Variants in LMNTD1 observed in about 807,000 individuals in gnomAD.
LMNTD1 encodes lamin tail domain containing 1, also known as lamin tail domain-containing protein 1.
In LMNTD1, 35 loss-of-function variants were observed where a neutral mutation model predicts 50.9. The ratio of observed to expected loss-of-function variants is 0.69; its 90% CI spans 0.53 to 0.91. The LOEUF is 0.91. LMNTD1 is among the 40% of genes least tolerant of loss of function. The pLI, the probability that LMNTD1 is intolerant of heterozygous loss-of-function variation, is 0.00. For synonymous variants in LMNTD1, 153 were observed against 161.9 expected (o/e 0.94, Z 0.42); for missense variants, 470 against 475.5 (o/e 0.99, Z 0.11).
At position 25,646,055 on chromosome 12, in the gene LMNTD1, T is replaced by C. The variant is rs551344485; in HGVS notation, c.58+2439A>G. On this transcript the variant is annotated intron_variant, in intron 1 of 7. Coordinates refer to the LMNTD1 transcript ENST00000445693. The stretch of plus-strand genomic sequence containing the variant: ...GCATTGTATCTAATAATTCTGATGA[T>C]AGGATTGAAGTCCTGTTTGTTGGCT... Among the ~76,000 whole-genome samples, 3 of 152,272 alleles carry C rather than the reference T, an allele frequency of 2.0e-5. No individual in the cohort carries two copies. The East Asian group carries it at 5.8e-4, about 29-fold the overall frequency.
intron 1 of LMNTD1, among the ~76,000 whole-genome samples, chr12:25,628,591 G>A (rs981588986): frequency 1.3e-5 from 2 of 152,134 alleles, no homozygotes; most frequent in African/African-American, 4.8e-5. Flanking sequence ...TCTTAAAATT[G>A]GTGACTCTCC....
Position 25,643,769 on chromosome 12 carries a change from TG to T in LMNTD1, c.58+4724del, listed in dbSNP as rs771766666. 9.9e-5 allele frequency among the ~76,000 whole-genome samples: 15 copies of T among 152,224 alleles called. No individual in the cohort carries two copies. In the East Asian group the frequency reaches 1.4e-3, roughly 14 times the overall value. On this transcript the variant is annotated intron_variant, in intron 1 of 7. Transcript: ENST00000445693. ...GAGTGGCTGTTGGACAGGATCCTGA[TG>T]GAAAGTGCCAGAGAAGTCAATGTTT... is the stretch of plus-strand genomic sequence containing the variant.
intron 9 of LMNTD1, among the ~76,000 whole-genome samples, chr12:25,489,610 T>C (rs1437761539): frequency 1.3e-5 from 2 of 151,626 alleles, no homozygotes; most frequent in Non-Finnish European, 2.9e-5. Flanking sequence ...CGCTGGGAGC[T>C]GTAGACCGGA....
intron 2 of LMNTD1, 126 bp downstream of exon 2, chr12:25,552,745 T>G: frequency 3.2e-6 from 2 of 634,278 alleles, no homozygotes; most frequent in East Asian, 2.7e-5. Flanking sequence ...TCTAGAAAAT[T>G]TGTGAGATAT....
At chr12:25,500,932 G>T (rs1299719195) in intron 9 of LMNTD1, among the ~76,000 whole-genome samples, 1 of 152,088 alleles carries the variant, frequency 6.6e-6, no homozygotes, top group Non-Finnish European at 1.5e-5. Flanking sequence ...TTGTTGCACA[G>T]AAATGTAATT....
intron 9 of LMNTD1, among the ~76,000 whole-genome samples, chr12:25,487,023 T>C: frequency 6.6e-6 from 1 of 151,298 alleles, no homozygotes; most frequent in Admixed American, 6.6e-5. Flanking sequence ...TTCTGTTCTT[T>C]TACATTTGCT....
chr12:25,577,489 TTGTC>T (rs150619202), intron 1 of LMNTD1, among the ~76,000 whole-genome samples: 2,913 of 147,614 alleles, frequency 0.02, 68 homozygotes, highest in African/African-American at 0.062. Flanking sequence ...GGCTCTCTGT[TTGTC>T]TGTTATTGGT....
intron 1 of LMNTD1, among the ~76,000 whole-genome samples, chr12:25,637,673 TATTCAATATATAAAGAACTCTTTAC>T (rs1265615599): frequency 1.3e-5 from 2 of 152,116 alleles, no homozygotes; most frequent in Non-Finnish European, 2.9e-5. Context: ...AGTCATATTA[TATTCAATATATAAAGAACTCTTTAC>T]ATTCAATATA....
intron 9 of LMNTD1, among the ~76,000 whole-genome samples, chr12:25,478,733 C>A (rs1226453442): frequency 1.3e-5 from 2 of 152,158 alleles, no homozygotes; most frequent in Non-Finnish European, 2.9e-5. Flanking sequence ...TTGCAGTGAG[C>A]CGAGACTGTG....
chr12:25,647,050 T>G (rs533738399), intron 1 of LMNTD1, among the ~76,000 whole-genome samples: 16 of 152,340 alleles, frequency 1.1e-4, no homozygotes, highest in African/African-American at 3.6e-4. Context: ...AATTTGGATT[T>G]TCTTCTGGTG....
intron 1 of LMNTD1, among the ~76,000 whole-genome samples, chr12:25,563,812 C>G (rs532416707): frequency 1.3e-4 from 20 of 152,292 alleles, no homozygotes; most frequent in Admixed American, 2.0e-4. Context: ...GCTTTCAGGC[C>G]GCTTTGTTTA....
chr12:25,530,771 T>A (rs1942169020), intron 4 of LMNTD1, among the ~76,000 whole-genome samples: 1 of 152,230 alleles, frequency 6.6e-6, no homozygotes, highest in Non-Finnish European at 1.5e-5. Context: ...CAAAGATGTC[T>A]ATCTCTAATC....
chr12:25,511,577 T>C (rs1940299159), intron 8 of LMNTD1, among the ~76,000 whole-genome samples: 1 of 152,218 alleles, frequency 6.6e-6, no homozygotes, highest in Non-Finnish European at 1.5e-5. Flanking sequence ...GAATCTTTCC[T>C]ACTCCATTTC....
chr12:25,508,878 T>C (rs1438957419), intron 8 of LMNTD1, among the ~76,000 whole-genome samples: 1 of 149,828 alleles, frequency 6.7e-6, no homozygotes, highest in Non-Finnish European at 1.5e-5. Context: ...AAGAAAATTC[T>C]TTCTAGTCCT....
intron 1 of LMNTD1, among the ~76,000 whole-genome samples, chr12:25,589,828 T>A (rs1039164801): frequency 6.6e-6 from 1 of 152,012 alleles, no homozygotes; most frequent in Non-Finnish European, 1.5e-5. Flanking sequence ...ATTGTGTAGA[T>A]CTCTTAGAAC....
In LMNTD1 at chr12:25,518,901, A is replaced by G. The variant is rs138600055; in HGVS notation, c.1083T>C (p.Ser361=). ...CAATCAGAGGACAGTAAGGATGTGC[A>G]GAGACATAGGGATTCTGGCACCAAG... The part of the protein sequence containing the change: ...RSPWCQNPYV[S]AHPYCPLIEP... The change falls in exon 8 of 10, where the codon TCT becomes TCC. Residue 361 remains serine, a synonymous_variant. Coordinates refer to ENST00000458174, the MANE Select transcript of LMNTD1 (RefSeq NM_001145728.2). 1 of 1,614,170 alleles carries G rather than the reference A, an allele frequency of 6.2e-7. No individual in the cohort carries two copies. The highest frequency in any genetic ancestry group is 8.5e-7 in the Non-Finnish European group (1 of 1,180,014).
chr12:25,543,219 A>G (rs1591971325), intron 4 of LMNTD1, among the ~76,000 whole-genome samples: 1 of 152,042 alleles, frequency 6.6e-6, no homozygotes, highest in Admixed American at 6.6e-5. Flanking sequence ...CTTCTACACA[A>G]TCTCTTCTAG....
intron 1 of LMNTD1, among the ~76,000 whole-genome samples, chr12:25,574,315 A>G (rs1015146886): frequency 2.0e-5 from 3 of 152,100 alleles, no homozygotes; most frequent in African/African-American, 7.2e-5. Context: ...CTCTAACCAA[A>G]TTAATCTGTG....
intron 8 of LMNTD1, among the ~76,000 whole-genome samples, chr12:25,517,617 T>G (rs951892664): frequency 1.7e-5 from 2 of 120,382 alleles, no homozygotes; most frequent in Non-Finnish European, 3.5e-5. Context: ...AAATGACAAG[T>G]TAATGGGTGC....
Sources: gnomAD v4.1 joint callset for allele counts (sites outside exome capture counted in the v4.1 genomes callset) on GRCh38, gnomAD v4.1.1 for gene constraint, MANE v1.5 for transcripts, NCBI Gene and HGNC (gene_info 2026-07-23, HGNC 2026-07-21) for gene names.